The following NELL1 variants were observed in gnomAD, a reference collection of about 807,000 sequenced individuals.
NELL1 encodes the protein protein kinase C-binding protein NELL1.
In NELL1, 76 loss-of-function variants were observed where a neutral mutation model predicts 107.4. That is an observed-to-expected ratio of 0.71 (90% CI 0.59 to 0.86). The LOEUF is 0.86. Among genes scored for constraint, NELL1 ranks in the 40% least tolerant of loss-of-function variants. NELL1 has a pLI of 0.00. For missense variants in NELL1, 1,024 were observed against 1,005.5 expected (o/e 1.02, Z -0.25); for synonymous variants, 353 against 341.2 (o/e 1.03, Z -0.38).
chr11:20,682,056 A>G (rs745573987), intron 2 of NELL1, among the ~76,000 whole-genome samples: 3 of 152,092 alleles, frequency 2.0e-5, no homozygotes, highest in Admixed American at 1.3e-4. Flanking sequence ...TTTTTGCCAT[A>G]TAAGTTGACA....
intron 11 of NELL1, among the ~76,000 whole-genome samples, chr11:20,947,822 C>T (rs910177528): frequency 1.3e-5 from 2 of 151,938 alleles, no homozygotes; most frequent in Non-Finnish European, 2.9e-5. Flanking sequence ...TTTTCAGCTC[C>T]GTCTTGTTGG....
At chr11:21,308,173 G>T (rs955443487) in intron 14 of NELL1, among the ~76,000 whole-genome samples, 1 of 152,008 alleles carries the variant, frequency 6.6e-6, no homozygotes, top group Non-Finnish European at 1.5e-5. Flanking sequence ...TACCTCGTGG[G>T]GTTGCTGTGA....
intron 14 of NELL1, among the ~76,000 whole-genome samples, chr11:21,247,266 ATTAACT>A (rs1278791003): frequency 6.6e-6 from 1 of 152,184 alleles, no homozygotes; most frequent in Non-Finnish European, 1.5e-5. Flanking sequence ...TCAATAATAA[ATTAACT>A]TTAGCTTATT....
At chr11:21,031,352 A>G (rs1034419109) in intron 12 of NELL1, among the ~76,000 whole-genome samples, 1 of 152,186 alleles carries the variant, frequency 6.6e-6, no homozygotes, top group African/African-American at 2.4e-5. Context: ...TTCAGGTATA[A>G]TGCCATTTCT....
At chr11:21,335,417 A>G (rs2133692455) in intron 14 of NELL1, among the ~76,000 whole-genome samples, 1 of 152,132 alleles carries the variant, frequency 6.6e-6, no homozygotes, top group East Asian at 1.9e-4. Flanking sequence ...AGTGGGAAAA[A>G]GCTATGACTG....
At chr11:21,424,850 T>G (rs1017197122) in intron 15 of NELL1, among the ~76,000 whole-genome samples, 1 of 152,114 alleles carries the variant, frequency 6.6e-6, no homozygotes, top group African/African-American at 2.4e-5. Context: ...CTCTGATGAA[T>G]TCTACCAAAC....
intron 12 of NELL1, among the ~76,000 whole-genome samples, chr11:21,091,270 T>C (rs368843363): frequency 3.3e-5 from 5 of 152,306 alleles, no homozygotes; most frequent in Admixed American, 2.6e-4. Flanking sequence ...GAACATTTTT[T>C]GAGCATTATA....
chr11:20,806,824 C>T (rs1857394853), intron 3 of NELL1, among the ~76,000 whole-genome samples: 2 of 152,096 alleles, frequency 1.3e-5, no homozygotes, highest in Admixed American at 1.3e-4. Context: ...ATCAATTCTG[C>T]TATTAAAATA....
chr11:20,962,172 C>T (rs1590467857), intron 12 of NELL1, among the ~76,000 whole-genome samples: 2 of 151,998 alleles, frequency 1.3e-5, no homozygotes, highest in South Asian at 4.1e-4. Flanking sequence ...CCCTTTAATA[C>T]ATCTTAGTTA....
At chr11:20,749,348 C>T (rs1264240318) in intron 2 of NELL1, among the ~76,000 whole-genome samples, 2 of 151,854 alleles carry the variant, frequency 1.3e-5, no homozygotes, top group Non-Finnish European at 2.9e-5. Flanking sequence ...GTCTGTAATC[C>T]CAGCACTTTG....
intron 12 of NELL1, among the ~76,000 whole-genome samples, chr11:21,066,207 A>G (rs1853866280): frequency 6.6e-6 from 1 of 152,186 alleles, no homozygotes; most frequent in Non-Finnish European, 1.5e-5. Context: ...CAATCTCTTC[A>G]CAAAGACATT....
At chr11:21,240,233 A>G (rs1435565876) in intron 14 of NELL1, among the ~76,000 whole-genome samples, 2 of 152,048 alleles carry the variant, frequency 1.3e-5, no homozygotes, top group Admixed American at 6.6e-5. Flanking sequence ...GTAAAAGTAG[A>G]TTGGCAGTAC....
At chr11:21,276,501 A>C (rs868573718) in intron 14 of NELL1, among the ~76,000 whole-genome samples, 236 of 152,252 alleles carry the variant, frequency 1.6e-3, no homozygotes, top group African/African-American at 4.0e-3. Context: ...CAGTGCCATC[A>C]CCATCAAGCT....
At chr11:20,901,264 G>A (rs1238523299) in intron 5 of NELL1, among the ~76,000 whole-genome samples, 2 of 152,144 alleles carry the variant, frequency 1.3e-5, no homozygotes, top group East Asian at 3.9e-4. Context: ...CCAAAGATAA[G>A]ATCAATTGCA....
At position 20,892,842 on chromosome 11, in the gene NELL1, T is replaced by A. The variant is rs573170622; in HGVS notation, c.603+7302T>A. On this transcript the variant is annotated intron_variant, in intron 5 of 19. Coordinates refer to ENST00000357134, the MANE Select transcript of NELL1 (RefSeq NM_006157.5). ...TACTTGGGAGGCTGAGACAGGAGAA[T>A]CGCTTGAACCCATGAGGTGGAGGTT... Among the ~76,000 whole-genome samples, 3 of 149,834 alleles carry A rather than the reference T, an allele frequency of 2.0e-5. No homozygotes were observed. In the South Asian group the frequency reaches 6.3e-4, roughly 32 times the overall value.
chr11:20,760,812 G>C (rs1460346070), intron 2 of NELL1, among the ~76,000 whole-genome samples: 2 of 152,150 alleles, frequency 1.3e-5, no homozygotes, highest in Non-Finnish European at 2.9e-5. Flanking sequence ...TCTGAAGTAT[G>C]GTGCCTAATC....
intron 15 of NELL1, among the ~76,000 whole-genome samples, chr11:21,449,506 G>T (rs1390967949): frequency 6.6e-6 from 1 of 151,662 alleles, no homozygotes; most frequent in African/African-American, 2.4e-5. Context: ...TTGTAGCTTT[G>T]TGGCTTGTCT....
At chr11:21,535,380 G>A (rs1591015239) in intron 16 of NELL1, among the ~76,000 whole-genome samples, 1 of 152,188 alleles carries the variant, frequency 6.6e-6, no homozygotes, top group East Asian at 1.9e-4. Flanking sequence ...TGCTGAATTA[G>A]AAAGTGGGAA....
chr11:21,370,471 G>C (rs1240540976), intron 14 of NELL1, among the ~76,000 whole-genome samples: 1 of 152,000 alleles, frequency 6.6e-6, no homozygotes, highest in African/African-American at 2.4e-5. Context: ...TAGTGGAAAA[G>C]ATTAGGTTAC....
Sources: gnomAD v4.1 joint callset for allele counts (sites outside exome capture counted in the v4.1 genomes callset) on GRCh38, gnomAD v4.1.1 for gene constraint, MANE v1.5 for transcripts, NCBI Gene and HGNC (gene_info 2026-07-23, HGNC 2026-07-21) for gene names.